Variants in ILRUN observed in about 807,000 individuals in gnomAD.
ILRUN encodes inflammation and lipid regulator with UBA-like and NBR1-like domains, also known as protein ILRUN.
A neutral mutation model predicts 33.8 loss-of-function variants in ILRUN; 3 were observed. The observed-to-expected ratio is 0.09, with a 90% confidence interval of 0.04 to 0.23. The LOEUF (loss-of-function observed/expected upper bound fraction) is 0.23. ILRUN is among the 10% of genes least tolerant of loss of function. The pLI, the probability that ILRUN is intolerant of heterozygous loss-of-function variation, is 1.00. For synonymous variants in ILRUN, 124 were observed against 138.9 expected (o/e 0.89, Z 0.75); for missense variants, 210 against 375.1 (o/e 0.56, Z 3.64).
At chr6:34,643,495 C>T (rs1309709457) in intron 3 of ILRUN, among the ~76,000 whole-genome samples, 1 of 152,034 alleles carries the variant, frequency 6.6e-6, no homozygotes, top group East Asian at 1.9e-4. Context: ...CTCCTTCTAC[C>T]TTCTTTTTGT....
At chr6:34,687,475 C>T (rs901430478) in intron 1 of ILRUN, among the ~76,000 whole-genome samples, 2 of 151,842 alleles carry the variant, frequency 1.3e-5, no homozygotes, top group Non-Finnish European at 2.9e-5. Flanking sequence ...GCAGGCAGGT[C>T]ACCTAAGGTC....
chr6:34,631,345 T>TA (rs1762240823), intron 3 of ILRUN, among the ~76,000 whole-genome samples: 2 of 151,634 alleles, frequency 1.3e-5, no homozygotes, highest in Admixed American at 6.6e-5. Flanking sequence ...TTTTTTTTTT[T>TA]AAGACAGGGA....
chr6:34,654,811 A>C (rs1762737767), intron 1 of ILRUN, 32 bp from the exon 2 acceptor site: 1 of 1,596,980 alleles, frequency 6.3e-7, no homozygotes, highest in South Asian at 1.1e-5. Context: ...AACAGACTTC[A>C]GTACTGTCCA....
chr6:34,647,915 T>C lies in ILRUN; in HGVS notation c.314-1117A>G, dbSNP rs1439760639. 2.6e-5 allele frequency among the ~76,000 whole-genome samples: 4 copies of C among 152,312 alleles called. No homozygotes were observed. In the East Asian group the frequency reaches 7.7e-4, roughly 29 times the overall value. ...GGTTTCACCATGTTGGCCAGGCTGA[T>C]CATGAACTCCTGACCTCAGGTGATC... On this transcript the variant is annotated intron_variant, in intron 2 of 4. Coordinates refer to ENST00000374023, the MANE Select transcript of ILRUN (RefSeq NM_024294.4).
intron 3 of ILRUN, among the ~76,000 whole-genome samples, chr6:34,637,133 G>A (rs1762380381): frequency 6.6e-6 from 1 of 152,158 alleles, no homozygotes. Flanking sequence ...CAGAACTGGG[G>A]AAGTGCAGTA....
In ILRUN at chr6:34,696,172, T is replaced by C. The variant is rs764088471; in HGVS notation, c.158+274A>G. 322 of 423,744 alleles carry C rather than the reference T, an allele frequency of 7.6e-4. 3 individuals carry two copies. Among genetic ancestry groups the C allele is most frequent in the Non-Finnish European group, 1.8e-4 (41 of 233,016 alleles). 26.2% of individuals were successfully genotyped at this position (423,744 alleles called of 1,614,324 possible). A position where few individuals can be genotyped will look rare whatever the true frequency, so the allele number is the denominator to read the frequency against. ...GTCTTTTCCCCTCATCCCACGTCCC[T>C]TGGCCCCTAATCCTCGAAAAACCTT... On this transcript the variant is annotated intron_variant, in intron 1 of 4. Coordinates refer to ENST00000374023, the MANE Select transcript of ILRUN (RefSeq NM_024294.4).
At chr6:34,608,291 G>T (rs1761675137) in intron 3 of ILRUN, among the ~76,000 whole-genome samples, 1 of 151,718 alleles carries the variant, frequency 6.6e-6, no homozygotes, top group South Asian at 2.1e-4. Flanking sequence ...CTACTCAGGA[G>T]GCTGAGGCAG....
intron 3 of ILRUN, among the ~76,000 whole-genome samples, chr6:34,633,725 T>C (rs1042731248): frequency 3.3e-5 from 5 of 150,262 alleles, no homozygotes; most frequent in African/African-American, 9.8e-5. Context: ...GGCATGGTGG[T>C]GTGCGCCTGT....
chr6:34,593,038 A>C (rs2127307011), intron 4 of ILRUN, among the ~76,000 whole-genome samples: 1 of 152,072 alleles, frequency 6.6e-6, no homozygotes, highest in South Asian at 2.1e-4. Flanking sequence ...AATTAGTTGG[A>C]CATGGCGACG....
At chr6:34,600,178 T>C (rs181347978) in intron 4 of ILRUN, among the ~76,000 whole-genome samples, 1 of 152,290 alleles carries the variant, frequency 6.6e-6, no homozygotes, top group African/African-American at 2.4e-5. Context: ...CTTTTAAGGC[T>C]CCCCTTTTTC....
intron 4 of ILRUN, 65 bp downstream of exon 4, chr6:34,606,490 C>A: frequency 1.5e-6 from 2 of 1,342,494 alleles, no homozygotes; most frequent in South Asian, 2.7e-5. Context: ...CTAGGTTTGC[C>A]ATGAAGGGGT....
At chr6:34,696,242 TG>T in intron 1 of ILRUN, 1 of 530,080 alleles carries the variant, frequency 1.9e-6, no homozygotes, top group Non-Finnish European at 3.3e-6. Flanking sequence ...CCTGCCTCCG[TG>T]GTCCCTAACT....
chr6:34,676,860 G>C (rs547223852), intron 1 of ILRUN, among the ~76,000 whole-genome samples: 29 of 152,048 alleles, frequency 1.9e-4, no homozygotes, highest in African/African-American at 6.3e-4. Context: ...TCTACTGCCT[G>C]TTAAAATTAA....
Position 34,646,975 on chromosome 6 carries a change from C to A in ILRUN, c.314-177G>T, listed in dbSNP as rs1217787059. Among the ~76,000 whole-genome samples the A allele has an allele frequency of 6.6e-6, 1 of 152,144 alleles. No homozygotes were observed. Among genetic ancestry groups the A allele is most frequent in the Non-Finnish European group, 1.5e-5 (1 of 68,018 alleles). ...AACTGATCAAAAGGAATTATCAGAA[C>A]CAACAACCTCTGACCAATAGTCTAA... On this transcript the variant is annotated intron_variant, in intron 2 of 4. Transcript: ENST00000374023. This position sits in a 1 kb window ranked among gnomAD's most constrained non-coding sequence, Gnocchi z 4.9.
chr6:34,673,470 A>G (rs929045823), intron 1 of ILRUN, among the ~76,000 whole-genome samples: 1 of 152,226 alleles, frequency 6.6e-6, no homozygotes, highest in Non-Finnish European at 1.5e-5. Context: ...AAATCAAGAC[A>G]ATTATCACCC....
At chr6:34,607,209 T>C (rs927768517) in intron 3 of ILRUN, among the ~76,000 whole-genome samples, 3 of 152,222 alleles carry the variant, frequency 2.0e-5, no homozygotes, top group Non-Finnish European at 4.4e-5. Context: ...GAAATCATTA[T>C]TCCAGAGAAC....
intron 3 of ILRUN, among the ~76,000 whole-genome samples, chr6:34,643,014 G>A (rs1204452164): frequency 6.7e-6 from 1 of 149,312 alleles, no homozygotes; most frequent in Non-Finnish European, 1.5e-5. Flanking sequence ...AAGAGAGAGA[G>A]GCCAGGCGCA....
intron 1 of ILRUN, among the ~76,000 whole-genome samples, chr6:34,689,035 G>C (rs375193538): frequency 2.8e-4 from 42 of 152,214 alleles, no homozygotes; most frequent in African/African-American, 1.0e-3. Context: ...GCCAATGGCT[G>C]AGGAGAGAAT....
At chr6:34,591,339 T>A (rs1006241915) in intron 4 of ILRUN, among the ~76,000 whole-genome samples, 12 of 152,116 alleles carry the variant, frequency 7.9e-5, no homozygotes, top group East Asian at 3.9e-4. Context: ...AAAATTTTTT[T>A]AAAAAATTAG....
Sources: gnomAD v4.1 joint callset for allele counts (sites outside exome capture counted in the v4.1 genomes callset) on GRCh38, gnomAD v4.1.1 for gene constraint, Gnocchi (gnomAD v3.1) non-coding constraint, MANE v1.5 for transcripts, NCBI Gene and HGNC (gene_info 2026-07-23, HGNC 2026-07-21) for gene names.